Variants in TOX3 observed in about 807,000 individuals in gnomAD.
The protein encoded by TOX3 is CAG trinucleotide repeat-containing gene F9 protein.
In TOX3, 22 loss-of-function variants were observed where a neutral mutation model predicts 64.3. The ratio of observed to expected loss-of-function variants is 0.34; its 90% confidence interval spans 0.24 to 0.49. The LOEUF (loss-of-function observed/expected upper bound fraction) is 0.49. Among genes scored for constraint, TOX3 ranks in the 20% least tolerant of loss-of-function variants. The probability of loss-of-function intolerance (pLI) is 0.99; values close to 1 mark genes in which losing one functional copy is unlikely to be tolerated. For missense variants in TOX3, 661 were observed against 714.4 expected (o/e 0.93, Z 0.85); for synonymous variants, 291 against 273.6 (o/e 1.06, Z -0.63).
intron 1 of TOX3, among the ~76,000 whole-genome samples, chr16:52,477,572 A>G (rs1386345360): frequency 1.3e-5 from 2 of 152,166 alleles, no homozygotes; most frequent in Non-Finnish European, 2.9e-5. Flanking sequence ...ACTAACTTTG[A>G]ATTCCAATCC....
chr16:52,445,207 A>T (rs950249046), intron 5 of TOX3: 1 of 152,264 alleles, frequency 6.6e-6, no homozygotes, highest in Non-Finnish European at 1.5e-5. Flanking sequence ...TGAGTTCCTG[A>T]AATAAGTTCA....
intron 3 of TOX3, among the ~76,000 whole-genome samples, chr16:52,452,479 G>T (rs893518047): frequency 6.7e-6 from 1 of 150,032 alleles, no homozygotes; most frequent in Non-Finnish European, 1.5e-5. Flanking sequence ...TCTTAATCCA[G>T]TCTATTGTTG....
chr16:52,445,647 A>C (rs1945507296), intron 5 of TOX3: 2 of 215,120 alleles, frequency 9.3e-6, no homozygotes, highest in Non-Finnish European at 1.9e-5. Flanking sequence ...AGCAGGATGG[A>C]CCTAATCCCT....
At position 52,439,312 on chromosome 16, in the gene TOX3, C is replaced by T; in HGVS notation, c.1644G>A (p.Gly548=). The part of the protein sequence containing the change: ...SQITSPIPAI[G]SPQPASQQHQ... ...GCTGCTGAGAGGCTGGCTGGGGGCT[C>T]CCGATGGCAGGGATGGGGGATGTTA... The change falls in exon 7 of 7, where the codon GGG becomes GGA. Residue 548 remains glycine, a synonymous_variant. Transcript: ENST00000219746. 6.2e-7 allele frequency: 1 copy of T among 1,613,782 alleles called. No individual in the cohort carries two copies. Among genetic ancestry groups the T allele is most frequent in the Non-Finnish European group, 8.5e-7 (1 of 1,179,848 alleles).
chr16:52,524,481 CG>C (rs1962679901), intron 1 of TOX3, among the ~76,000 whole-genome samples: 1 of 152,162 alleles, frequency 6.6e-6, no homozygotes, highest in African/African-American at 2.4e-5. Flanking sequence ...CCAATCACCA[CG>C]GGTACGTGTA....
chr16:52,452,201 G>C (rs1960371496), intron 3 of TOX3, among the ~76,000 whole-genome samples: 1 of 152,182 alleles, frequency 6.6e-6, no homozygotes, highest in Non-Finnish European at 1.5e-5. Context: ...TACATTATAA[G>C]GGGTAGAATG....
chr16:52,460,711 C>A (rs1416269870), intron 3 of TOX3, among the ~76,000 whole-genome samples: 4 of 132,308 alleles, frequency 3.0e-5, no homozygotes, highest in Non-Finnish European at 3.5e-5. Context: ...AGTACTTAAG[C>A]CAAATAAGAA....
intron 6 of TOX3, among the ~76,000 whole-genome samples, chr16:52,442,706 C>T (rs2151739947): frequency 6.6e-6 from 1 of 152,316 alleles, no homozygotes; most frequent in East Asian, 1.9e-4. Flanking sequence ...TTATTCTAAA[C>T]TTATACCTAA....
At chr16:52,493,167 G>T (rs1356827349) in intron 1 of TOX3, among the ~76,000 whole-genome samples, 1 of 152,130 alleles carries the variant, frequency 6.6e-6, no homozygotes, top group African/African-American at 2.4e-5. Flanking sequence ...ACGGGAACAG[G>T]ATCTCAATAG....
rs909637630 is a variant in TOX3, at chr16:52,438,574, T to C, written c.*651A>G. Reference sequence around the variant, plus strand: ...TCATAGATATTGTTACAACATATACTGTGGTTTGATTTGGAGAAGTCATGG... The same window carrying C: ...TCATAGATATTGTTACAACATATACCGTGGTTTGATTTGGAGAAGTCATGG... On this transcript the variant is annotated 3_prime_UTR_variant, in exon 7 of 7. Transcript: ENST00000219746. 1.7e-5 allele frequency: 3 copies of C among 178,896 alleles called. No individual in the cohort carries two copies. Among genetic ancestry groups the C allele is most frequent in the African/African-American group, 7.2e-5 (3 of 41,720 alleles). 11.1% of individuals were successfully genotyped at this position (178,896 alleles called of 1,614,324 possible).
intron 1 of TOX3, among the ~76,000 whole-genome samples, chr16:52,530,664 CT>C (rs909188838): frequency 4.1e-5 from 6 of 144,952 alleles, no homozygotes; most frequent in African/African-American, 1.3e-4. Context: ...TTTTTTTTTT[CT>C]TTTTTTTCTA....
At position 52,464,176 on chromosome 16, in the gene TOX3, T is replaced by C; in HGVS notation, c.166A>G (p.Thr56Ala). 2 of 1,534,844 alleles carry C rather than the reference T, an allele frequency of 1.3e-6. No individual in the cohort carries two copies. Among genetic ancestry groups the C allele is most frequent in the East Asian group, 2.4e-5 (1 of 41,888 alleles). ...FFAASEQTFH[T>A]PSLGDEEFEI... The stretch of plus-strand genomic sequence containing the variant: ...AATTCCTCGTCCCCAAGGCTTGGTG[T>C]GTGGAATGTCTGCTAAAAGGAAACA... Residue 56 changes from threonine (T) to alanine (A), a missense_variant, in exon 3 of 7, where the codon ACA becomes GCA. By Grantham distance (58) the Thr-to-Ala change is moderately conservative. Around this residue, in one of 3 missense-constraint regions of TOX3, gnomAD observed 259 missense variants for 261.2 expected, o/e 0.99. Transcript: ENST00000219746.
chr16:52,486,651 G>A (rs1028373763), intron 1 of TOX3, among the ~76,000 whole-genome samples: 1 of 152,178 alleles, frequency 6.6e-6, no homozygotes, highest in Non-Finnish European at 1.5e-5. Flanking sequence ...GAAATTGTGG[G>A]CTGGGTGCAG....
At chr16:52,501,689 AAAAC>A (rs755783177) in intron 1 of TOX3, among the ~76,000 whole-genome samples, 56 of 152,202 alleles carry the variant, frequency 3.7e-4, no homozygotes, top group Admixed American at 1.3e-3. Context: ...AACAAAAAAA[AAAAC>A]AGAGAGAGAA....
intron 1 of TOX3, among the ~76,000 whole-genome samples, chr16:52,534,637 TA>T (rs957105377): frequency 1.3e-5 from 2 of 150,704 alleles, no homozygotes; most frequent in Non-Finnish European, 3.0e-5. Context: ...CCCTGACTCT[TA>T]AAAAAAACAA....
chr16:52,504,856 A>G (rs1962117998), intron 1 of TOX3, among the ~76,000 whole-genome samples: 1 of 152,050 alleles, frequency 6.6e-6, no homozygotes, highest in Non-Finnish European at 1.5e-5. Flanking sequence ...TTTGTTTGAG[A>G]TAGAGTCTTG....
chr16:52,475,781 A>G (rs903096565), intron 1 of TOX3: 2 of 152,204 alleles, frequency 1.3e-5, no homozygotes, highest in Non-Finnish European at 1.5e-5. Context: ...GGTTTCTCCA[A>G]GTGTTGTGCT....
rs1404195070 is a variant in TOX3, at chr16:52,437,848, G to T, written c.*1377C>A. Reference sequence around the variant, plus strand: ...ACAAATATTTCCAATGCGTTGTTTTGGTTTTTTCAAGGATCTTCATTTCAG... The same window carrying T: ...ACAAATATTTCCAATGCGTTGTTTTTGTTTTTTCAAGGATCTTCATTTCAG... On this transcript the variant is annotated 3_prime_UTR_variant, in exon 7 of 7. Coordinates refer to ENST00000219746, the MANE Select transcript of TOX3 (RefSeq NM_001080430.4). Among the ~76,000 whole-genome samples the T allele has an allele frequency of 6.8e-6, 1 of 146,382 alleles. No individual in the cohort carries two copies. Among genetic ancestry groups the T allele is most frequent in the Non-Finnish European group, 1.5e-5 (1 of 66,862 alleles).
At chr16:52,467,633 G>A (rs1418843585) in intron 2 of TOX3, among the ~76,000 whole-genome samples, 1 of 152,042 alleles carries the variant, frequency 6.6e-6, no homozygotes, top group Admixed American at 6.6e-5. Context: ...TTCCATTTGG[G>A]CCAATTTCAC....
Sources: gnomAD v4.1 joint callset for allele counts (sites outside exome capture counted in the v4.1 genomes callset) on GRCh38, gnomAD v4.1.1 for gene constraint, gnomAD v4.1.1 regional missense constraint, MANE v1.5 for transcripts, NCBI Gene and HGNC (gene_info 2026-07-23, HGNC 2026-07-21) for gene names.